Variants in SHLD3 observed in about 807,000 individuals in gnomAD.
The protein encoded by SHLD3 is REV7-interacting novel NHEJ regulator 1.
Under a neutral mutation model 21.4 loss-of-function variants are expected in SHLD3, and 15 were observed. That is an observed-to-expected ratio of 0.70 (90% CI 0.47 to 1.08). The LOEUF (loss-of-function observed/expected upper bound fraction) is 1.08, where lower values mean the gene tolerates loss of function less well. SHLD3 is among the 50% of genes least tolerant of loss of function. The probability of loss-of-function intolerance (pLI) is 0.00; values close to 1 mark genes in which losing one functional copy is unlikely to be tolerated. For missense variants in SHLD3, 273 were observed against 286.1 expected, an observed-to-expected ratio of 0.95 and a Z score of 0.33; for synonymous variants, 103 against 97.2, an observed-to-expected ratio of 1.06 and a Z score of -0.35.
At chr5:65,629,437 T>C (rs756022944) in intron 1 of SHLD3, 31 bp from the exon 2 acceptor site, 34 of 1,366,228 alleles carry the variant, frequency 2.5e-5, no homozygotes, top group Non-Finnish European at 3.1e-5. Context: ...ATCCCTACCA[T>C]ATCTTATTCT....
Position 65,630,432 on chromosome 5 carries a change from A to G in SHLD3, c.*92A>G. 1 of 1,406,582 alleles carries G rather than the reference A, an allele frequency of 7.1e-7. No homozygotes were observed. The highest frequency in any genetic ancestry group is 9.2e-7 in the Non-Finnish European group (1 of 1,087,542). 87.1% of individuals were successfully genotyped at this position (1,406,582 alleles called of 1,614,324 possible). On this transcript the variant is annotated 3_prime_UTR_variant, in exon 2 of 2. Transcript: ENST00000510585. Reference sequence around the variant, plus strand: ...AATTTTTACAGGTTTTAAAATTTTTAATGACTTTTTAGAATTCCTAGGCTT... The same window carrying G: ...AATTTTTACAGGTTTTAAAATTTTTGATGACTTTTTAGAATTCCTAGGCTT...
chr5:65,625,791 T>G (rs1195821507), intron 1 of SHLD3: 1 of 152,240 alleles, frequency 6.6e-6, no homozygotes, highest in African/African-American at 2.4e-5. Context: ...TTTATTTTAT[T>G]TGTTTTTTAC....
At chr5:65,625,410 GGGC>G in intron 1 of SHLD3, 1 of 385,724 alleles carries the variant, frequency 2.6e-6, no homozygotes, top group African/African-American at 2.1e-5. Context: ...GAATTACAGC[GGGC>G]ATCCAAAGTG....
At chr5:65,628,593 T>C (rs983193399) in intron 1 of SHLD3, among the ~76,000 whole-genome samples, 5 of 151,758 alleles carry the variant, frequency 3.3e-5, no homozygotes, top group African/African-American at 1.2e-4. Context: ...TCCCTCAGCC[T>C]CCTGAGTAGC....
chr5:65,630,136 C>T lies in SHLD3; in HGVS notation c.549C>T (p.Asp183=), dbSNP rs969068566. Residue 183 remains aspartate (D), a synonymous_variant, in exon 2 of 2, where the codon GAC becomes GAT. Transcript: ENST00000510585. ...TTTGTAACAGCCAAACTCTGGAAGA[C>T]ATTTGGACAAAACTCAATCAAATTA... is the stretch of plus-strand genomic sequence containing the variant. ...HTICNSQTLE[D]IWTKLNQIIR... 8 of 1,536,034 alleles carry T rather than the reference C, an allele frequency of 5.2e-6. No individual in the cohort carries two copies. In the East Asian group the frequency reaches 2.0e-4, roughly 38 times the overall value.
chr5:65,629,543 A>G lies in SHLD3; in HGVS notation c.-45A>G. 6.8e-7 allele frequency: 1 copy of G among 1,472,614 alleles called. No homozygotes were observed. Among genetic ancestry groups the G allele is most frequent in the Non-Finnish European group, 8.9e-7 (1 of 1,117,674 alleles). The allele number at this position is 1,472,614 out of a possible 1,614,324, so 91.2% of individuals were successfully genotyped here. On this transcript the variant is annotated 5_prime_UTR_variant, in exon 2 of 2. Coordinates refer to ENST00000510585, the MANE Select transcript of SHLD3 (RefSeq NM_001365341.2). ...TAACATTCTAGCTCTGAGGAGTTCA[A>G]CTAAGAAATTTTCTCATCACTAAGA...
Position 65,630,128 on chromosome 5 carries a change from C to T in SHLD3, c.541C>T (p.Leu181=), listed in dbSNP as rs2150661548. Residue 181 remains leucine (L), a synonymous_variant, in exon 2 of 2, where the codon CTG becomes TTG. Coordinates refer to ENST00000510585, the MANE Select transcript of SHLD3 (RefSeq NM_001365341.2). The part of the protein sequence containing the change: ...IEHTICNSQT[L]EDIWTKLNQI... ...ACACACTATTTGTAACAGCCAAACT[C>T]TGGAAGACATTTGGACAAAACTCAA... 5.2e-6 allele frequency: 8 copies of T among 1,536,016 alleles called. No homozygotes were observed. The highest frequency in any genetic ancestry group is 7.0e-6 in the Non-Finnish European group (8 of 1,146,854).
rs373648699 is a variant in SHLD3 at position 65,629,885 on chromosome 5, C to A, written c.298C>A (p.Gln100Lys). 8.5e-6 allele frequency: 13 copies of A among 1,535,956 alleles called. No homozygotes were observed. In the East Asian group the frequency reaches 1.2e-4, roughly 14 times the overall value. Reference sequence around the variant, plus strand: ...GGAGTTTCAACCTAGCTTGAAAAAGCAGCATTTAACCTGGTCACACACACT... The same window carrying A: ...GGAGTTTCAACCTAGCTTGAAAAAGAAGCATTTAACCTGGTCACACACACT... ...LLEFQPSLKK[Q>K]HLTWSHTLKE... is the part of the protein sequence containing the mutation. The change falls in exon 2 of 2, where the codon CAG becomes AAG. Residue 100 changes from glutamine (Q) to lysine (K), a missense_variant. By Grantham distance (53) the Gln-to-Lys change is moderately conservative. Coordinates refer to ENST00000510585, the MANE Select transcript of SHLD3 (RefSeq NM_001365341.2).
rs2150661916 is a variant in SHLD3, at chr5:65,630,341, T to C, written c.*1T>C. 1.3e-6 allele frequency: 2 copies of C among 1,486,290 alleles called. No individual in the cohort carries two copies. Among genetic ancestry groups the C allele is most frequent in the Non-Finnish European group, 1.8e-6 (2 of 1,120,148 alleles). The allele number at this position is 1,486,290 out of a possible 1,614,324, so 92.1% of individuals were successfully genotyped here. A position where few individuals can be genotyped will look rare whatever the true frequency, so the allele number is the denominator to read the frequency against. On this transcript the variant is annotated 3_prime_UTR_variant, in exon 2 of 2. Transcript: ENST00000510585. The stretch of plus-strand genomic sequence containing the variant: ...ATATGGTGTTATTTTTAGTATGTAA[T>C]GAATTCCACTGATTGTCAAAAAGAA...
chr5:65,629,291 A>G (rs1755413517), intron 1 of SHLD3, among the ~76,000 whole-genome samples, 177 bp from the exon 2 acceptor site: 1 of 152,172 alleles, frequency 6.6e-6, no homozygotes, highest in Non-Finnish European at 1.5e-5. Context: ...CAGATCCCTT[A>G]TTTTGGTAAG....
intron 1 of SHLD3, among the ~76,000 whole-genome samples, chr5:65,629,141 CTT>C (rs1399703894): frequency 1.3e-5 from 2 of 152,076 alleles, no homozygotes; most frequent in Admixed American, 6.6e-5. Context: ...TTCATTTACT[CTT>C]TGTTTCTGCT....
At chr5:65,628,084 T>A (rs1242218178) in intron 1 of SHLD3, among the ~76,000 whole-genome samples, 1 of 152,200 alleles carries the variant, frequency 6.6e-6, no homozygotes, top group Non-Finnish European at 1.5e-5. Flanking sequence ...CTCTTACAGC[T>A]TTGGGCCTGA....
In SHLD3 at chr5:65,629,706, CT is replaced by C. The variant is rs1561760974; in HGVS notation, c.121del (p.Trp41GlyfsTer19). The C allele has an allele frequency of 6.5e-7, 1 of 1,536,046 alleles. No individual in the cohort carries two copies. Among genetic ancestry groups the C allele is most frequent in the Non-Finnish European group, 8.7e-7 (1 of 1,146,900 alleles). ...ACTCGTCCGCTATCAAGATTTATAC[CT>C]TGGTTTCCATATGATGGGTCCAAGC... ...FPTRPLSRFI[P>X]WFPYDGSKLP... On this transcript the variant is annotated frameshift_variant, in exon 2 of 2. Transcript: ENST00000510585. LOFTEE classifies it high-confidence loss of function.
intron 1 of SHLD3, among the ~76,000 whole-genome samples, chr5:65,627,602 C>T (rs532870944): frequency 6.6e-6 from 1 of 150,916 alleles, no homozygotes; most frequent in Admixed American, 6.6e-5. Context: ...TGCACTCTAA[C>T]CTGGGCAACA....
intron 1 of SHLD3, chr5:65,625,322 T>C (rs1480282290): frequency 3.5e-6 from 2 of 577,958 alleles, no homozygotes; most frequent in East Asian, 5.8e-5. Flanking sequence ...TAAATCGTTC[T>C]TTCTGATCTG....
intron 1 of SHLD3, 127 bp downstream of exon 1, chr5:65,625,233 C>A: frequency 1.2e-6 from 1 of 828,526 alleles, no homozygotes. Context: ...TGTCCTTTGC[C>A]GCCAAGCGGG....
chr5:65,629,620 A>T lies in SHLD3; in HGVS notation c.33A>T (p.Pro11=). The T allele has an allele frequency of 6.5e-7, 1 of 1,535,746 alleles. No homozygotes were observed. The highest frequency in any genetic ancestry group is 8.7e-7 in the Non-Finnish European group (1 of 1,146,682). ...CAGAAGTAATATTACATTATCGACC[A>T]TGTGAGAGTGATCCCACACAACTGC... MTTEVILHYR[P]CESDPTQLPK... is the part of the protein sequence containing the mutation. The change falls in exon 2 of 2, where the codon CCA becomes CCT. Residue 11 remains proline (P), a synonymous_variant. Transcript: ENST00000510585.
intron 1 of SHLD3, among the ~76,000 whole-genome samples, chr5:65,629,212 A>G (rs1450280086): frequency 1.3e-5 from 2 of 152,134 alleles, no homozygotes; most frequent in African/African-American, 4.8e-5. Flanking sequence ...AGTCCTTTAT[A>G]TCTATTGAGT....
In SHLD3 at chr5:65,629,564, T is replaced by TA. The variant is rs1171520130; in HGVS notation, c.-22dup. ...TTCAACTAAGAAATTTTCTCATCAC[T>TA]AAGAGTAACTGGATTACTGCAGAAT... On this transcript the variant is annotated 5_prime_UTR_variant, in exon 2 of 2. Transcript: ENST00000510585. 6.7e-7 allele frequency: 1 copy of TA among 1,496,496 alleles called. No individual in the cohort carries two copies. Among genetic ancestry groups the TA allele is most frequent in the African/African-American group, 1.4e-5 (1 of 71,646 alleles). The allele number at this position is 1,496,496 out of a possible 1,614,324, so 92.7% of individuals were successfully genotyped here. A position where few individuals can be genotyped will look rare whatever the true frequency, so the allele number is the denominator to read the frequency against.
Sources: allele counts gnomAD v4.1 joint callset (sites outside exome capture counted in the v4.1 genomes callset), GRCh38; gene constraint gnomAD v4.1.1; transcripts MANE v1.5; gene names NCBI Gene and HGNC (gene_info 2026-07-23, HGNC 2026-07-21).